PLPP4: variants seen among roughly 807,000 people sequenced by gnomAD.
PLPP4 encodes phospholipid phosphatase 4.
A neutral mutation model predicts 32.2 loss-of-function variants in PLPP4; 20 were observed. That is an observed-to-expected ratio of 0.62 (90% CI 0.44 to 0.90). PLPP4 has a LOEUF of 0.90. PLPP4 is among the 40% of genes least tolerant of loss of function. PLPP4 has a pLI of 0.00. For synonymous variants in PLPP4, 127 were observed against 133.0 expected, an observed-to-expected ratio of 0.95 and a Z score of 0.31; for missense variants, 257 against 353.1, an observed-to-expected ratio of 0.73 and a Z score of 2.18.
At chr10:120,527,604 T>C (rs1846464643) in intron 5 of PLPP4, among the ~76,000 whole-genome samples, 1 of 152,218 alleles carries the variant, frequency 6.6e-6, no homozygotes, top group African/African-American at 2.4e-5. Context: ...ACACTGTTTT[T>C]CCTTTCTTCC....
intron 1 of PLPP4, among the ~76,000 whole-genome samples, chr10:120,482,228 CAGA>C (rs2133819229): frequency 6.6e-6 from 1 of 152,232 alleles, no homozygotes; most frequent in East Asian, 1.9e-4. Context: ...TTGGAGGGCT[CAGA>C]AGAAGACAGG....
intron 5 of PLPP4, among the ~76,000 whole-genome samples, chr10:120,564,576 T>G (rs1329725484): frequency 1.3e-5 from 2 of 151,954 alleles, no homozygotes; most frequent in African/African-American, 4.8e-5. Context: ...ATTAAAATTT[T>G]CCACTATTAT....
intron 1 of PLPP4, among the ~76,000 whole-genome samples, chr10:120,499,519 T>A (rs1845137112): frequency 6.6e-6 from 1 of 152,114 alleles, no homozygotes. Flanking sequence ...GGGGATCATG[T>A]TAAATGCAGA....
At chr10:120,551,080 A>C (rs975668307) in intron 5 of PLPP4, among the ~76,000 whole-genome samples, 5 of 152,174 alleles carry the variant, frequency 3.3e-5, no homozygotes, top group African/African-American at 1.2e-4. Flanking sequence ...AAATGTAGGC[A>C]AAAGACTTGA....
chr10:120,511,378 T>C (rs916645646), intron 2 of PLPP4, among the ~76,000 whole-genome samples: 5 of 152,206 alleles, frequency 3.3e-5, no homozygotes, highest in Non-Finnish European at 1.5e-5. Flanking sequence ...GGAAGCCTCA[T>C]TGGGAAAGTC....
At chr10:120,560,390 C>G (rs1473770700) in intron 5 of PLPP4, among the ~76,000 whole-genome samples, 3 of 151,614 alleles carry the variant, frequency 2.0e-5, no homozygotes, top group Non-Finnish European at 4.4e-5. Flanking sequence ...GCTGCACCAG[C>G]AGATGTGAAC....
At chr10:120,518,386 T>C (rs530461667) in intron 3 of PLPP4, among the ~76,000 whole-genome samples, 2 of 152,232 alleles carry the variant, frequency 1.3e-5, no homozygotes, top group African/African-American at 4.8e-5. Flanking sequence ...AATTGCCGAG[T>C]GGGAATGTCC....
chr10:120,487,801 A>C (rs1358756905), intron 1 of PLPP4, among the ~76,000 whole-genome samples: 1 of 152,176 alleles, frequency 6.6e-6, no homozygotes, highest in East Asian at 1.9e-4. Flanking sequence ...AAGAGAGAGA[A>C]CTGTAAATGA....
chr10:120,514,691 T>C (rs1845867102), intron 3 of PLPP4, among the ~76,000 whole-genome samples: 1 of 152,152 alleles, frequency 6.6e-6, no homozygotes, highest in Admixed American at 6.5e-5. Flanking sequence ...AATGACAGCA[T>C]TAAGAGATAG....
At chr10:120,513,183 T>C (rs1845799453) in intron 2 of PLPP4, among the ~76,000 whole-genome samples, 1 of 152,162 alleles carries the variant, frequency 6.6e-6, no homozygotes, top group African/African-American at 2.4e-5. Flanking sequence ...CTCGCCCCTC[T>C]CCAGTTGTAT....
chr10:120,554,359 T>C (rs1011084798), intron 5 of PLPP4, among the ~76,000 whole-genome samples: 1 of 152,198 alleles, frequency 6.6e-6, no homozygotes, highest in Non-Finnish European at 1.5e-5. Context: ...GCCTGGACTT[T>C]ATTATCCATA....
rs1214725254 is a variant in PLPP4, at chr10:120,503,643, T to G, written c.57-175T>G. 3 of 1,603,830 alleles carry G rather than the reference T, an allele frequency of 1.9e-6. No homozygotes were observed. The Admixed American group carries it at 5.1e-5, about 27-fold the overall frequency. ...AGTCTGCAAAGTCTCAGTGATTCTT[T>G]CAGTCCTTCCCAAGCCTTTGAACCA... On this transcript the variant is annotated intron_variant, in intron 1 of 6. Transcript: ENST00000398250.
At chr10:120,581,385 G>A in intron 6 of PLPP4, 1 of 821,320 alleles carries the variant, frequency 1.2e-6, no homozygotes, top group Non-Finnish European at 1.5e-6. Flanking sequence ...TCTCAGCCTG[G>A]CTCCCTCCTT....
intron 5 of PLPP4, among the ~76,000 whole-genome samples, chr10:120,571,368 A>T (rs553081738): frequency 1.6e-4 from 25 of 152,118 alleles, no homozygotes; most frequent in African/African-American, 5.8e-4. Flanking sequence ...TCAAGCAGAA[A>T]GCTAGGACTG....
intron 5 of PLPP4, among the ~76,000 whole-genome samples, chr10:120,564,806 T>A (rs1337337615): frequency 1.3e-5 from 2 of 152,060 alleles, no homozygotes; most frequent in African/African-American, 4.8e-5. Context: ...TTGTCTCATT[T>A]TTCTTTCTTT....
intron 6 of PLPP4, 63 bp from the exon 7 acceptor site, chr10:120,589,240 T>C (rs1849904677): frequency 6.6e-7 from 1 of 1,513,624 alleles, no homozygotes; most frequent in Non-Finnish European, 9.2e-7. Context: ...TTCTGGAAAA[T>C]ATAATTGGCC....
At position 120,561,204 on chromosome 10, in the gene PLPP4, G is replaced by T. The variant is rs551841368; in HGVS notation, c.446-13927G>T. Among the ~76,000 whole-genome samples, 34 of 152,276 alleles carry T rather than the reference G, an allele frequency of 2.2e-4. No individual in the cohort carries two copies. In the South Asian group the frequency reaches 5.4e-3, roughly 24 times the overall value. On this transcript the variant is annotated intron_variant, in intron 5 of 6. Transcript: ENST00000398250. ...GTCAGTTTTATCAGTCCTTTGCTTT[G>T]TGATTAGTATTTTTTATATCTTTTT...
intron 2 of PLPP4, among the ~76,000 whole-genome samples, chr10:120,510,753 AC>A (rs1486546861): frequency 6.6e-6 from 1 of 152,128 alleles, no homozygotes; most frequent in Non-Finnish European, 1.5e-5. Flanking sequence ...CTTAATTCCA[AC>A]TTTCATTTAA....
At chr10:120,543,493 G>A (rs1847457333) in intron 5 of PLPP4, among the ~76,000 whole-genome samples, 2 of 151,902 alleles carry the variant, frequency 1.3e-5, no homozygotes, top group African/African-American at 2.4e-5. Context: ...GATGCTCAAT[G>A]CAATTAAAAA....
Sources: allele counts gnomAD v4.1 joint callset (sites outside exome capture counted in the v4.1 genomes callset), GRCh38; gene constraint gnomAD v4.1.1; transcripts MANE v1.5; gene names NCBI Gene and HGNC (gene_info 2026-07-23, HGNC 2026-07-21).